Variants in DTWD2 observed in about 807,000 individuals in gnomAD.
The protein encoded by DTWD2 is tRNA-uridine aminocarboxypropyltransferase 2.
Under a neutral mutation model 31.8 loss-of-function variants are expected in DTWD2, and 39 were observed. That is an observed-to-expected ratio of 1.22 (90% CI 0.95 to 1.60). The LOEUF (loss-of-function observed/expected upper bound fraction) is 1.60, where lower values mean the gene tolerates loss of function less well. DTWD2 is among the 40% of genes most tolerant of loss of function. DTWD2 has a pLI of 0.00. For synonymous variants in DTWD2, 180 were observed against 142.8 expected (o/e 1.26, Z -1.86); for missense variants, 515 against 381.5 (o/e 1.35, Z -2.92).
chr5:118,848,376 T>C (rs1017014281), intron 4 of DTWD2, among the ~76,000 whole-genome samples, 158 bp from the exon 5 acceptor site: 3 of 152,210 alleles, frequency 2.0e-5, no homozygotes, highest in African/African-American at 7.2e-5. Context: ...TTTGTTGCAA[T>C]TGTTAAATAG....
chr5:118,929,810 T>G (rs747827591), intron 3 of DTWD2, among the ~76,000 whole-genome samples: 1 of 152,198 alleles, frequency 6.6e-6, no homozygotes, highest in Non-Finnish European at 1.5e-5. Flanking sequence ...TCTGAGGACC[T>G]TCCCTTGTCC....
intron 1 of DTWD2, among the ~76,000 whole-genome samples, chr5:118,962,958 A>G (rs1387162896): frequency 6.6e-6 from 1 of 152,260 alleles, no homozygotes; most frequent in Non-Finnish European, 1.5e-5. Context: ...GTCTTAACAC[A>G]TAGTTCTATC....
intron 4 of DTWD2, among the ~76,000 whole-genome samples, chr5:118,910,105 C>G (rs2149570348): frequency 6.6e-6 from 1 of 152,338 alleles, no homozygotes; most frequent in African/African-American, 2.4e-5. Context: ...GGTGCTCTCT[C>G]CCAAACACAC....
chr5:118,933,273 C>T (rs1239149735), intron 3 of DTWD2, among the ~76,000 whole-genome samples: 1 of 152,138 alleles, frequency 6.6e-6, no homozygotes, highest in Non-Finnish European at 1.5e-5. Context: ...ACAATCTCTT[C>T]CAGATCCTAA....
At chr5:118,952,924 T>C (rs1754498338) in intron 1 of DTWD2, among the ~76,000 whole-genome samples, 1 of 152,236 alleles carries the variant, frequency 6.6e-6, no homozygotes, top group African/African-American at 2.4e-5. Context: ...CTATTAATAC[T>C]TCCATTTAAA....
intron 2 of DTWD2, among the ~76,000 whole-genome samples, chr5:118,944,079 C>A (rs2149585952): frequency 6.6e-6 from 1 of 152,290 alleles, no homozygotes; most frequent in Admixed American, 6.5e-5. Flanking sequence ...ATTTTAAAAT[C>A]TTTACATATA....
At chr5:118,959,545 A>C (rs1414623157) in intron 1 of DTWD2, among the ~76,000 whole-genome samples, 3 of 152,220 alleles carry the variant, frequency 2.0e-5, no homozygotes, top group African/African-American at 7.2e-5. Flanking sequence ...GTACAGATTC[A>C]ATCCTATTTC....
At chr5:118,862,673 C>T (rs1663714862) in intron 4 of DTWD2, among the ~76,000 whole-genome samples, 1 of 152,098 alleles carries the variant, frequency 6.6e-6, no homozygotes, top group Non-Finnish European at 1.5e-5. Context: ...TGGTTTTCTA[C>T]CTATCATTTA....
At position 118,935,388 on chromosome 5, in the gene DTWD2, C is replaced by T. The variant is rs115306119; in HGVS notation, c.404+3808G>A. Among the ~76,000 whole-genome samples the T allele has an allele frequency of 3.3e-3, 507 of 152,226 alleles. 3 individuals carry two copies. Among genetic ancestry groups the T allele is most frequent in the African/African-American group, 0.012 (496 of 41,538 alleles). ...CCGGACTTGCCAATGGTGTCTGAAG[C>T]GGGGAAGGGGCAGTCTTGGGAACTG... is the stretch of plus-strand genomic sequence containing the variant. On this transcript the variant is annotated intron_variant, in intron 3 of 5. Coordinates refer to ENST00000510708, the MANE Select transcript of DTWD2 (RefSeq NM_173666.4).
chr5:118,984,322 G>A lies in DTWD2; in HGVS notation c.218+3972C>T, dbSNP rs377562194. Among the ~76,000 whole-genome samples, 32 of 151,944 alleles carry A rather than the reference G, an allele frequency of 2.1e-4. No homozygotes were observed. The East Asian group carries it at 5.6e-3, about 27-fold the overall frequency. On this transcript the variant is annotated intron_variant, in intron 1 of 5. Transcript: ENST00000510708. ...AAAAAAATACAAAACTTAGCCAGGC[G>A]TGGTGGCAGGCACCTGTAGTCCCAG...
At chr5:118,880,465 A>G (rs1351140789) in intron 4 of DTWD2, among the ~76,000 whole-genome samples, 3 of 152,200 alleles carry the variant, frequency 2.0e-5, no homozygotes, top group East Asian at 3.8e-4. Context: ...TCTGGGCACA[A>G]CAAAACCGTT....
chr5:118,872,018 C>A (rs1265517962), intron 4 of DTWD2, among the ~76,000 whole-genome samples: 1 of 152,176 alleles, frequency 6.6e-6, no homozygotes, highest in Non-Finnish European at 1.5e-5. Context: ...TGACGATTCA[C>A]CTTGCACTTT....
chr5:118,855,279 CA>C (rs1436999760), intron 4 of DTWD2, among the ~76,000 whole-genome samples: 2 of 146,146 alleles, frequency 1.4e-5, no homozygotes, highest in African/African-American at 5.0e-5. Flanking sequence ...TACATATTTA[CA>C]CTAAGTTACA....
At chr5:118,928,979 T>C (rs1439451540) in intron 3 of DTWD2, among the ~76,000 whole-genome samples, 1 of 152,194 alleles carries the variant, frequency 6.6e-6, no homozygotes, top group Non-Finnish European at 1.5e-5. Context: ...ATCAAAGCTT[T>C]TCTATCCAAC....
chr5:118,904,245 G>C (rs1433730986), intron 4 of DTWD2, among the ~76,000 whole-genome samples: 1 of 152,106 alleles, frequency 6.6e-6, no homozygotes, highest in East Asian at 1.9e-4. Context: ...TTCACTTCCA[G>C]AAATCTAATA....
intron 4 of DTWD2, among the ~76,000 whole-genome samples, chr5:118,906,100 A>C (rs1338201439): frequency 6.6e-6 from 1 of 152,208 alleles, no homozygotes; most frequent in Non-Finnish European, 1.5e-5. Flanking sequence ...AAGATGTTCC[A>C]CATTATTAGT....
intron 4 of DTWD2, among the ~76,000 whole-genome samples, chr5:118,900,517 A>G (rs1753181162): frequency 6.6e-6 from 1 of 152,232 alleles, no homozygotes; most frequent in Admixed American, 6.5e-5. Flanking sequence ...ATAGAAAAAA[A>G]TGTATCTAAA....
intron 4 of DTWD2, among the ~76,000 whole-genome samples, chr5:118,913,279 G>A (rs1753498946): frequency 6.6e-6 from 1 of 151,810 alleles, no homozygotes; most frequent in African/African-American, 2.4e-5. Context: ...CAACACGAAG[G>A]ACTTCTGCCA....
chr5:118,909,017 G>A (rs933714775), intron 4 of DTWD2, among the ~76,000 whole-genome samples: 13 of 152,088 alleles, frequency 8.5e-5, no homozygotes, highest in Admixed American at 3.3e-4. Context: ...TGAAGCCAAC[G>A]GTGCTTAGCA....
Sources: allele counts gnomAD v4.1 joint callset (sites outside exome capture counted in the v4.1 genomes callset), GRCh38; gene constraint gnomAD v4.1.1; transcripts MANE v1.5; gene names NCBI Gene and HGNC (gene_info 2026-07-23, HGNC 2026-07-21).